AKAP9: variants seen among roughly 807,000 people sequenced by gnomAD.
The protein encoded by AKAP9 is A-kinase anchoring protein 9, also known as A-kinase anchor protein 9.
In AKAP9, 311 loss-of-function variants were observed where a neutral mutation model predicts 488.5. The observed-to-expected ratio is 0.64, with a 90% CI of 0.58 to 0.70. AKAP9 has a LOEUF of 0.70. AKAP9 is among the 30% of genes least tolerant of loss of function. The probability of loss-of-function intolerance (pLI) is 0.00; values close to 1 mark genes in which losing one functional copy is unlikely to be tolerated. For synonymous variants in AKAP9, 1,462 were observed against 1,483.5 expected (o/e 0.99, Z 0.33); for missense variants, 4,215 against 4,374.5 (o/e 0.96, Z 1.03).
Position 92,002,328 on chromosome 7 carries a change from T to C in AKAP9, c.2411T>C (p.Ile804Thr). ...CCTGTTAGCCAAGAAGAAAGATTGATTTTCTTAGACTCCATTAAGTCCAAA... is the reference window on the plus strand; with the variant it reads ...CCTGTTAGCCAAGAAGAAAGATTGACTTTCTTAGACTCCATTAAGTCCAAA... ...HTPVSQEERL[I>T]FLDSIKSKSK... Residue 804 changes from isoleucine to threonine, a missense_variant, in exon 8 of 50, where the codon ATT becomes ACT. Physicochemically the swap from Ile to Thr is moderately conservative, Grantham distance 89. Transcript: ENST00000356239. 6.2e-7 allele frequency: 1 copy of C among 1,612,996 alleles called. No individual in the cohort carries two copies.
At chr7:92,087,030 G>A (rs59385384) in intron 37 of AKAP9, among the ~76,000 whole-genome samples, 2 of 152,018 alleles carry the variant, frequency 1.3e-5, no homozygotes, top group Non-Finnish European at 2.9e-5. Flanking sequence ...ACAAATAAAA[G>A]GCACAAAAAT....
intron 14 of AKAP9, among the ~76,000 whole-genome samples, chr7:92,027,514 C>T (rs1270111237): frequency 1.4e-5 from 2 of 140,470 alleles, no homozygotes; most frequent in East Asian, 4.6e-4. Flanking sequence ...AGCCGCCCTT[C>T]GTCTGGGAGG....
At chr7:92,059,652 C>A (rs559179137) in intron 22 of AKAP9, among the ~76,000 whole-genome samples, 1 of 151,510 alleles carries the variant, frequency 6.6e-6, no homozygotes, top group South Asian at 2.1e-4. Context: ...AAAGCATATC[C>A]TTTTTAGTTA....
chr7:91,954,237 A>G (rs1336066389), intron 1 of AKAP9, among the ~76,000 whole-genome samples: 1 of 152,178 alleles, frequency 6.6e-6, no homozygotes, highest in Non-Finnish European at 1.5e-5. Flanking sequence ...TTATGGGATG[A>G]GTCTCCAAAT....
At chr7:92,086,099 A>G in intron 36 of AKAP9, 129 bp from the exon 37 acceptor site, 1 of 827,022 alleles carries the variant, frequency 1.2e-6, no homozygotes. Flanking sequence ...AAAAGAAAAA[A>G]ATAAATAAAT....
At position 92,086,385 on chromosome 7, in the gene AKAP9, TA is replaced by T; in HGVS notation, c.9185del (p.Asn3062ThrfsTer40). On this transcript the variant is annotated frameshift_variant, in exon 37 of 50. Coordinates refer to ENST00000356239, the MANE Select transcript of AKAP9 (RefSeq NM_005751.5). LOFTEE classifies it high-confidence loss of function. ...GGTACTACAGATGCAGTTGGTTTAC[TA>T]AACTGTTTGGAACAGAGAATACAAG... ...ALGTTDAVGL[L>X]NCLEQRIQEQ... 1 of 1,614,046 alleles carries T rather than the reference TA, an allele frequency of 6.2e-7. No homozygotes were observed. The highest frequency in any genetic ancestry group is 8.5e-7 in the Non-Finnish European group (1 of 1,179,916).
At chr7:92,038,829 T>G in intron 17 of AKAP9, 57 bp downstream of exon 17, 1 of 1,185,300 alleles carries the variant, frequency 8.4e-7, no homozygotes, top group Non-Finnish European at 1.2e-6. Context: ...ATTCTTTCAC[T>G]TTAAAAATAT....
At chr7:92,008,420 G>T (rs1475456265) in intron 8 of AKAP9, among the ~76,000 whole-genome samples, 5 of 152,100 alleles carry the variant, frequency 3.3e-5, no homozygotes, top group Non-Finnish European at 5.9e-5. Context: ...GGGCGTGGTG[G>T]CTCATGCCTG....
chr7:92,041,161 C>CA (rs1296082109), intron 18 of AKAP9: 1 of 424,300 alleles, frequency 2.4e-6, no homozygotes, highest in African/African-American at 2.0e-5. Context: ...ACTCCTTTTT[C>CA]AAGCACTGGA....
At chr7:92,036,356 G>A (rs1450426438) in intron 16 of AKAP9, among the ~76,000 whole-genome samples, 2 of 151,740 alleles carry the variant, frequency 1.3e-5, no homozygotes, top group Non-Finnish European at 2.9e-5. Flanking sequence ...CCAGGCTGGA[G>A]TGCAGTGGTG....
chr7:92,081,521 A>C (rs1584471725), intron 31 of AKAP9, among the ~76,000 whole-genome samples: 1 of 140,562 alleles, frequency 7.1e-6, no homozygotes, highest in Non-Finnish European at 1.5e-5. Flanking sequence ...AGTAGAGACG[A>C]GGTTTCTCCA....
intron 14 of AKAP9, among the ~76,000 whole-genome samples, chr7:92,028,100 C>T (rs905599596): frequency 2.0e-5 from 3 of 151,928 alleles, no homozygotes; most frequent in Non-Finnish European, 2.9e-5. Context: ...ACAGCATGCT[C>T]GTTAAGAGTC....
chr7:91,951,574 C>G lies in AKAP9; in HGVS notation c.48+10427C>G, dbSNP rs1792256519. Among the ~76,000 whole-genome samples the G allele has an allele frequency of 4.6e-5, 7 of 152,342 alleles. No homozygotes were observed. The South Asian group carries it at 1.4e-3, about 32-fold the overall frequency. On this transcript the variant is annotated intron_variant, in intron 1 of 49. Coordinates refer to ENST00000356239, the MANE Select transcript of AKAP9 (RefSeq NM_005751.5). Reference sequence around the variant, plus strand: ...TCCTGGGCTCAAGCGGTTCTCCCACCTTGGCCTCCCAGTGTGCTGGGATTA... The same window carrying G: ...TCCTGGGCTCAAGCGGTTCTCCCACGTTGGCCTCCCAGTGTGCTGGGATTA...
Position 92,058,321 on chromosome 7 carries a change from TG to T in AKAP9, c.5602-2938del, listed in dbSNP as rs1470062293. 6.9e-6 allele frequency: 4 copies of T among 578,696 alleles called. No individual in the cohort carries two copies. In the African/African-American group the frequency reaches 7.4e-5, roughly 11 times the overall value. 35.8% of individuals were successfully genotyped at this position (578,696 alleles called of 1,614,324 possible). On this transcript the variant is annotated intron_variant, in intron 22 of 49. Transcript: ENST00000356239. ...ATTTGGATGAAAATAACTCAGTAAT[TG>T]TTAATACTTCTATTTTCCATTTTAT...
In AKAP9 at chr7:92,077,663, A is replaced by G. The variant is rs770663022; in HGVS notation, c.6766-33A>G. 2.5e-6 allele frequency: 4 copies of G among 1,578,130 alleles called. No individual in the cohort carries two copies. The Admixed American group carries it at 6.7e-5, about 26-fold the overall frequency. On this transcript the variant is annotated intron_variant, in intron 29 of 49. Transcript: ENST00000356239. ...TGTTCTGAAAATGATAGGTAATGATATATCCAACTGTGATAATTATTTTTG... is the reference window on the plus strand; with the variant it reads ...TGTTCTGAAAATGATAGGTAATGATGTATCCAACTGTGATAATTATTTTTG...
chr7:92,102,163 T>TAA (rs71933089), intron 45 of AKAP9, among the ~76,000 whole-genome samples: 32 of 107,472 alleles, frequency 3.0e-4, no homozygotes, highest in African/African-American at 1.1e-3. Flanking sequence ...CTCATAAATT[T>TAA]AAAAAAAAAA....
At chr7:91,953,646 A>G (rs544035970) in intron 1 of AKAP9, among the ~76,000 whole-genome samples, 1 of 152,306 alleles carries the variant, frequency 6.6e-6, no homozygotes, top group South Asian at 2.1e-4. Flanking sequence ...TCTGGAGCAT[A>G]GAGGATTAAG....
intron 49 of AKAP9, chr7:92,108,869 CCTA>C: frequency 1.8e-6 from 1 of 568,492 alleles, no homozygotes; most frequent in Non-Finnish European, 3.2e-6. Flanking sequence ...AAAATGATTT[CCTA>C]CTATGTTCAT....
Position 92,088,191 on chromosome 7 carries a change from A to G in AKAP9, c.9214-1194A>G, listed in dbSNP as rs370702796. Among the ~76,000 whole-genome samples the G allele has an allele frequency of 2.6e-5, 4 of 152,318 alleles. 1 individual carries two copies. On this transcript the variant is annotated intron_variant, in intron 37 of 49. Transcript: ENST00000356239. ...CCACCTTAACCAAGTGATCAGAATT[A>G]CTATTACCAGAAATGGAATAGACAT...
Sources: gnomAD v4.1 joint callset for allele counts (sites outside exome capture counted in the v4.1 genomes callset) on GRCh38, gnomAD v4.1.1 for gene constraint, MANE v1.5 for transcripts, NCBI Gene and HGNC (gene_info 2026-07-23, HGNC 2026-07-21) for gene names.